Variants in ATXN7L1 observed in about 807,000 individuals in gnomAD.
The protein encoded by ATXN7L1 is ataxin 7 like 1.
ATXN7L1 carries 15 observed loss-of-function variants against 70.8 expected under a neutral mutation model. The ratio of observed to expected loss-of-function variants is 0.21; its 90% CI spans 0.14 to 0.33. ATXN7L1 has a LOEUF of 0.33. Ranked by LOEUF, ATXN7L1 falls within the 10% of genes least tolerant of loss-of-function variation. The probability of loss-of-function intolerance (pLI) is 1.00; values close to 1 mark genes in which losing one functional copy is unlikely to be tolerated. For synonymous variants in ATXN7L1, 440 were observed against 445.1 expected, an observed-to-expected ratio of 0.99 and a Z score of 0.14; for missense variants, 975 against 1,097.1, an observed-to-expected ratio of 0.89 and a Z score of 1.57.
intron 3 of ATXN7L1, among the ~76,000 whole-genome samples, chr7:105,699,157 G>C (rs1792122765): frequency 6.6e-6 from 1 of 151,648 alleles, no homozygotes; most frequent in Non-Finnish European, 1.5e-5. Context: ...TTTTGGGGTG[G>C]AACCTTGCTC....
intron 2 of ATXN7L1, among the ~76,000 whole-genome samples, chr7:105,859,838 A>G (rs1816308012): frequency 1.4e-5 from 2 of 141,142 alleles, no homozygotes; most frequent in Admixed American, 1.5e-4. Flanking sequence ...GCTAGAGTGC[A>G]GTGGCACGAT....
At chr7:105,745,742 G>C (rs543053783) in intron 3 of ATXN7L1, among the ~76,000 whole-genome samples, 1 of 152,214 alleles carries the variant, frequency 6.6e-6, no homozygotes, top group Non-Finnish European at 1.5e-5. Context: ...CTGGAGTCCC[G>C]GTCTTACTCT....
intron 2 of ATXN7L1, among the ~76,000 whole-genome samples, chr7:105,837,692 CAA>C (rs1477768801): frequency 1.3e-5 from 2 of 152,074 alleles, no homozygotes; most frequent in Non-Finnish European, 2.9e-5. Flanking sequence ...CAGGGAGCAG[CAA>C]AAGACAGCAG....
intron 3 of ATXN7L1, among the ~76,000 whole-genome samples, chr7:105,780,441 A>G (rs1319529980): frequency 6.6e-6 from 1 of 152,224 alleles, no homozygotes; most frequent in Non-Finnish European, 1.5e-5. Flanking sequence ...CTTGAAGGGC[A>G]TTCAAAAATA....
chr7:105,851,766 A>G (rs1282734568), intron 2 of ATXN7L1, among the ~76,000 whole-genome samples: 1 of 152,180 alleles, frequency 6.6e-6, no homozygotes, highest in Admixed American at 6.5e-5. Context: ...AGGAAAAGGA[A>G]AAACCACAGA....
At chr7:105,846,657 C>T (rs1023598107) in intron 2 of ATXN7L1, among the ~76,000 whole-genome samples, 1 of 152,316 alleles carries the variant, frequency 6.6e-6, no homozygotes, top group South Asian at 2.1e-4. Context: ...AAAACTTATA[C>T]ACATGCTCAC....
rs531265919 is a variant in ATXN7L1, at chr7:105,809,872, G to C, written c.251-21164C>G. Among the ~76,000 whole-genome samples the C allele has an allele frequency of 9.3e-4, 141 of 152,056 alleles. 1 individual carries two copies. The South Asian group carries it at 0.028, about 30-fold the overall frequency. On this transcript the variant is annotated intron_variant, in intron 2 of 11. Transcript: ENST00000419735. Reference sequence around the variant, plus strand: ...TGTAGCTTTGACCTCCTGGGCTCAAGTGATCCTCCCAACTCAGCCTCCCAA... The same window carrying C: ...TGTAGCTTTGACCTCCTGGGCTCAACTGATCCTCCCAACTCAGCCTCCCAA...
chr7:105,811,219 C>G (rs913363286), intron 2 of ATXN7L1, among the ~76,000 whole-genome samples: 13 of 152,058 alleles, frequency 8.5e-5, no homozygotes, highest in Admixed American at 7.9e-4. Context: ...CACAGACAGG[C>G]CTGGAGATGA....
intron 3 of ATXN7L1, 89 bp from the exon 4 acceptor site, chr7:105,665,377 C>CCT (rs1023238319): frequency 3.2e-5 from 34 of 1,063,604 alleles, no homozygotes; most frequent in Non-Finnish European, 4.6e-5. Flanking sequence ...ACACAACAGG[C>CCT]GGAGAGAAGC....
intron 3 of ATXN7L1, among the ~76,000 whole-genome samples, chr7:105,778,525 A>AAAC (rs1554460014): frequency 0.086 from 9,343 of 108,128 alleles, 1,228 homozygotes; most frequent in African/African-American, 0.26. Flanking sequence ...AAAAAAAAAA[A>AAAC]AAAAAAAAAA....
intron 2 of ATXN7L1, among the ~76,000 whole-genome samples, chr7:105,852,349 C>G (rs1274177673): frequency 7.9e-5 from 12 of 152,176 alleles, no homozygotes; most frequent in Non-Finnish European, 1.6e-4. Flanking sequence ...GTTCAGCCTT[C>G]CTAACCCTCC....
chr7:105,649,734 A>G (rs1191421145), intron 4 of ATXN7L1, among the ~76,000 whole-genome samples: 2 of 152,244 alleles, frequency 1.3e-5, no homozygotes. Flanking sequence ...CTAGGTCTGC[A>G]GAAATTATTG....
intron 3 of ATXN7L1, among the ~76,000 whole-genome samples, chr7:105,736,396 G>A (rs1455993974): frequency 1.3e-5 from 2 of 152,118 alleles, no homozygotes; most frequent in Non-Finnish European, 2.9e-5. Context: ...ACTCTCTCTG[G>A]GTTTTCCTGG....
rs114161092 is a variant in ATXN7L1 at position 105,608,896 on chromosome 7, A to G, written c.2548-1006T>C. 9.8e-3 allele frequency among the ~76,000 whole-genome samples: 1,499 copies of G among 152,214 alleles called. 20 individuals are homozygous for G. Among genetic ancestry groups the G allele is most frequent in the African/African-American group, 0.035 (1,433 of 41,526 alleles). ...AACATAACAACACGGTTATATATAC[A>G]CGCACACCCACACATTTTCCAATCA... On this transcript the variant is annotated intron_variant, in intron 11 of 11. Coordinates refer to ENST00000419735, the MANE Select transcript of ATXN7L1 (RefSeq NM_020725.2).
chr7:105,642,822 C>T lies in ATXN7L1; in HGVS notation c.862+16G>A, dbSNP rs763532157. ...AGTCTAATCATGAGTCAGACCCTGA[C>T]GACACTGACACATACCTGAAAGTCT... On this transcript the variant is annotated intron_variant, in intron 5 of 11. Transcript: ENST00000419735. 103 of 1,545,232 alleles carry T rather than the reference C, an allele frequency of 6.7e-5. No homozygotes were observed. The highest frequency in any genetic ancestry group is 5.0e-4 in the Middle Eastern group (3 of 5,994).
At chr7:105,648,546 G>T (rs1799399871) in intron 4 of ATXN7L1, among the ~76,000 whole-genome samples, 1 of 152,228 alleles carries the variant, frequency 6.6e-6, no homozygotes, top group African/African-American at 2.4e-5. Flanking sequence ...TCCCAGAGAT[G>T]ATGCTTTTTG....
intron 2 of ATXN7L1, among the ~76,000 whole-genome samples, chr7:105,841,265 C>T (rs570830525): frequency 1.4e-4 from 21 of 152,314 alleles, no homozygotes; most frequent in African/African-American, 4.8e-4. Flanking sequence ...TCCTGGAGCA[C>T]TGCTCAGCCT....
intron 2 of ATXN7L1, among the ~76,000 whole-genome samples, chr7:105,831,761 G>A (rs1811651858): frequency 1.3e-5 from 2 of 152,138 alleles, no homozygotes; most frequent in Non-Finnish European, 2.9e-5. Context: ...TAGTGGGTGG[G>A]GTGAAGTGGG....
chr7:105,748,720 A>G (rs564811528), intron 3 of ATXN7L1, among the ~76,000 whole-genome samples: 2 of 152,098 alleles, frequency 1.3e-5, no homozygotes, highest in Admixed American at 6.5e-5. Context: ...TACCTCTGCC[A>G]CTTGAAACTC....
Sources: allele counts gnomAD v4.1 joint callset (sites outside exome capture counted in the v4.1 genomes callset), GRCh38; gene constraint gnomAD v4.1.1; transcripts MANE v1.5; gene names NCBI Gene and HGNC (gene_info 2026-07-23, HGNC 2026-07-21).